Variants in SDK1 observed in about 807,000 individuals in gnomAD.
SDK1 encodes the protein sidekick cell adhesion molecule 1, also known as protein sidekick-1.
SDK1 carries 157 observed loss-of-function variants against 245.5 expected under a neutral mutation model. The ratio of observed to expected loss-of-function variants is 0.64; its 90% CI spans 0.56 to 0.73. The LOEUF (loss-of-function observed/expected upper bound fraction) is 0.73. Among genes scored for constraint, SDK1 ranks in the 30% least tolerant of loss-of-function variants. SDK1 has a pLI of 0.00. For missense variants in SDK1, 3,583 were observed against 3,002.3 expected, an observed-to-expected ratio of 1.19 and a Z score of -4.52; for synonymous variants, 1,647 against 1,278.5, an observed-to-expected ratio of 1.29 and a Z score of -6.15.
chr7:3,559,473 C>G (rs1383564036), intron 1 of SDK1, among the ~76,000 whole-genome samples: 1 of 151,990 alleles, frequency 6.6e-6, no homozygotes, highest in Non-Finnish European at 1.5e-5. Context: ...ATGAATGTTT[C>G]AAATTTTTTT....
intron 1 of SDK1, among the ~76,000 whole-genome samples, chr7:3,394,695 A>G (rs1003089666): frequency 6.6e-6 from 1 of 152,028 alleles, no homozygotes; most frequent in East Asian, 1.9e-4. Context: ...ATTTTCTTCA[A>G]AGCTTTATAA....
chr7:3,514,878 G>A (rs1465144704), intron 1 of SDK1, among the ~76,000 whole-genome samples: 4 of 152,150 alleles, frequency 2.6e-5, no homozygotes, highest in Admixed American at 6.5e-5. Flanking sequence ...GCGTGCATGC[G>A]TGCGCTCTCT....
Position 3,603,641 on chromosome 7 carries a change from G to C in SDK1, c.299-15439G>C, listed in dbSNP as rs186366628. On this transcript the variant is annotated intron_variant, in intron 1 of 44. Transcript: ENST00000404826. ...TGTCGTCTGCAAACAGGGACAATTTGACTTCCTTTTTTCATAATTGAATAC... is the reference window on the plus strand; with the variant it reads ...TGTCGTCTGCAAACAGGGACAATTTCACTTCCTTTTTTCATAATTGAATAC... 2.4e-3 allele frequency among the ~76,000 whole-genome samples: 366 copies of C among 152,286 alleles called. 3 individuals carry two copies. The highest frequency in any genetic ancestry group is 0.017 in the South Asian group (84 of 4,826).
At chr7:3,658,987 ATCTT>A (rs370876621) in intron 4 of SDK1, among the ~76,000 whole-genome samples, 205 of 152,080 alleles carry the variant, frequency 1.3e-3, no homozygotes, top group African/African-American at 4.8e-3. Context: ...GCAGTCACTC[ATCTT>A]TCTTCCCACT....
Position 4,266,545 on chromosome 7 carries a change from A to G in SDK1, c.*1161A>G. ...CTCTCCCAGTCCGAGGCCAGCTTTT[A>G]GCCTTAACAGGTTTTTTGGAAATGT... On this transcript the variant is annotated 3_prime_UTR_variant, in exon 45 of 45. Transcript: ENST00000404826. 1.0e-6 allele frequency: 1 copy of G among 982,860 alleles called. No individual in the cohort carries two copies. Among genetic ancestry groups the G allele is most frequent in the Non-Finnish European group, 1.2e-6 (1 of 829,510 alleles). 60.9% of individuals were successfully genotyped at this position (982,860 alleles called of 1,614,324 possible).
Position 3,774,076 on chromosome 7 carries a change from A to G in SDK1, c.714-47374A>G, listed in dbSNP as rs531415769. ...AAAAATACAAAAAAATTAGCCAGGC[A>G]TGGTGGCGGGTGCCTGTAGTCCTAG... On this transcript the variant is annotated intron_variant, in intron 4 of 44. Transcript: ENST00000404826. 2.3e-4 allele frequency among the ~76,000 whole-genome samples: 35 copies of G among 152,168 alleles called. No homozygotes were observed. In the South Asian group the frequency reaches 3.9e-3, roughly 17 times the overall value.
chr7:3,482,351 C>G (rs1375108553), intron 1 of SDK1, among the ~76,000 whole-genome samples: 1 of 152,206 alleles, frequency 6.6e-6, no homozygotes, highest in African/African-American at 2.4e-5. Context: ...CCTTCACCGT[C>G]TTTCTGAACT....
intron 1 of SDK1, among the ~76,000 whole-genome samples, chr7:3,384,470 T>C (rs1781561957): frequency 6.6e-6 from 1 of 152,238 alleles, no homozygotes; most frequent in African/African-American, 2.4e-5. Context: ...AGTCACAGTG[T>C]ATACTCACAT....
chr7:3,603,077 T>G (rs561738723), intron 1 of SDK1, among the ~76,000 whole-genome samples: 1 of 152,028 alleles, frequency 6.6e-6, no homozygotes, highest in African/African-American at 2.4e-5. Flanking sequence ...CTGTTTTGGT[T>G]ACTGTAGCCT....
chr7:3,723,078 C>T (rs1432085254), intron 4 of SDK1, among the ~76,000 whole-genome samples: 1 of 152,226 alleles, frequency 6.6e-6, no homozygotes, highest in African/African-American at 2.4e-5. Flanking sequence ...TGCCAGATAG[C>T]ATATCTGTGT....
rs116198655 is a variant in SDK1, at chr7:3,765,514, C to G, written c.714-55936C>G. ...CTGTGGTGAATGGTTTGTTTTCTTT[C>G]CTTTTAACGCTAGTTCTCGTTGTAG... On this transcript the variant is annotated intron_variant, in intron 4 of 44. Transcript: ENST00000404826. 2.2e-3 allele frequency among the ~76,000 whole-genome samples: 338 copies of G among 152,278 alleles called. 1 individual carries two copies. Among genetic ancestry groups the G allele is most frequent in the African/African-American group, 7.8e-3 (324 of 41,564 alleles).
chr7:3,414,245 A>G (rs567846417), intron 1 of SDK1, among the ~76,000 whole-genome samples: 3 of 152,162 alleles, frequency 2.0e-5, no homozygotes, highest in Admixed American at 6.5e-5. Flanking sequence ...GCGGAGGAGG[A>G]GGAGAAATTT....
At chr7:3,344,595 AC>A (rs1780443729) in intron 1 of SDK1, among the ~76,000 whole-genome samples, 1 of 152,146 alleles carries the variant, frequency 6.6e-6, no homozygotes, top group South Asian at 2.1e-4. Context: ...AATAGAAGAT[AC>A]CCCAAAATTT....
Position 3,301,757 on chromosome 7 carries a change from C to T in SDK1, c.171C>T (p.Thr57=), listed in dbSNP as rs1469548418. 1.2e-5 allele frequency: 12 copies of T among 984,532 alleles called. No homozygotes were observed. The highest frequency in any genetic ancestry group is 3.5e-5 in the African/African-American group (2 of 56,460). The allele number at this position is 984,532 out of a possible 1,614,324, so 61.0% of individuals were successfully genotyped here. The change falls in exon 1 of 45, where the codon ACC becomes ACT. Residue 57 remains threonine, a synonymous_variant. Coordinates refer to ENST00000404826, the MANE Select transcript of SDK1 (RefSeq NM_152744.4). ...CGCGACCCCGGGCGGCGCCCGAGAC[C>T]TCCGGCGGGGACACGGCGGGCGCGG... ...EPSRPRAAPE[T]SGGDTAGAGR...
chr7:3,374,233 TATG>T lies in SDK1; in HGVS notation c.298+72351_298+72353del, dbSNP rs1292230164. Among the ~76,000 whole-genome samples, 4 of 152,140 alleles carry T rather than the reference TATG, an allele frequency of 2.6e-5. No individual in the cohort carries two copies. The South Asian group carries it at 6.2e-4, about 24-fold the overall frequency. On this transcript the variant is annotated intron_variant, in intron 1 of 44. Coordinates refer to ENST00000404826, the MANE Select transcript of SDK1 (RefSeq NM_152744.4). The stretch of plus-strand genomic sequence containing the variant: ...CTGTTGCCTAAAGTGGCTCACTCCT[TATG>T]AGCAATACCACCCCACTTAACTGAT...
intron 4 of SDK1, among the ~76,000 whole-genome samples, chr7:3,699,590 A>G (rs1314258720): frequency 1.3e-5 from 2 of 152,200 alleles, no homozygotes; most frequent in African/African-American, 2.4e-5. Context: ...CTTGATCTGA[A>G]CAACAGAGAA....
At chr7:3,679,634 A>G (rs981240862) in intron 4 of SDK1, among the ~76,000 whole-genome samples, 2 of 152,256 alleles carry the variant, frequency 1.3e-5, no homozygotes, top group African/African-American at 4.8e-5. Context: ...ACAGATGTCA[A>G]ACAGGTATAT....
chr7:3,491,072 C>G (rs1473525844), intron 1 of SDK1, among the ~76,000 whole-genome samples: 10 of 152,178 alleles, frequency 6.6e-5, no homozygotes, highest in Admixed American at 6.6e-4. Context: ...AGGTGTTATC[C>G]CATTTTATAG....
chr7:3,965,832 A>G (rs1409247921), intron 9 of SDK1, among the ~76,000 whole-genome samples: 1 of 152,064 alleles, frequency 6.6e-6, no homozygotes, highest in African/African-American at 2.4e-5. Flanking sequence ...TAGAAGGAGC[A>G]GGAGTGTGAA....
Sources: gnomAD v4.1 joint callset for allele counts (sites outside exome capture counted in the v4.1 genomes callset) on GRCh38, gnomAD v4.1.1 for gene constraint, MANE v1.5 for transcripts, NCBI Gene and HGNC (gene_info 2026-07-23, HGNC 2026-07-21) for gene names.